The following NXPE2 variants were observed in gnomAD, a reference collection of about 807,000 sequenced individuals.
NXPE2 encodes neurexophilin and PC-esterase domain family member 2.
Under a neutral mutation model 34.4 loss-of-function variants are expected in NXPE2, and 34 were observed. The observed-to-expected ratio is 0.99, with a 90% CI of 0.75 to 1.31. NXPE2 has a LOEUF of 1.31. NXPE2 is among the 40% of genes most tolerant of loss of function. The pLI, the probability that NXPE2 is intolerant of heterozygous loss-of-function variation, is 0.00. For missense variants in NXPE2, 649 were observed against 672.5 expected (o/e 0.97, Z 0.39); for synonymous variants, 235 against 231.3 (o/e 1.02, Z -0.15).
chr11:114,745,683 G>C, the NXPE2 span, among the ~76,000 whole-genome samples: 1 of 152,020 alleles, frequency 6.6e-6, no homozygotes, highest in Non-Finnish European at 1.5e-5. Flanking sequence ...TATGAATTCA[G>C]AATGTCAACT....
the NXPE2 span, among the ~76,000 whole-genome samples, chr11:114,717,452 C>T: frequency 6.6e-6 from 1 of 152,182 alleles, no homozygotes; most frequent in Non-Finnish European, 1.5e-5. Flanking sequence ...CTCCAGCACA[C>T]CATAGCCAGA....
chr11:114,652,733 A>G, the NXPE2 span, among the ~76,000 whole-genome samples: 1 of 146,672 alleles, frequency 6.8e-6, no homozygotes, highest in African/African-American at 2.5e-5. Context: ...GAAGAGTGAT[A>G]GAGCACAGTC....
the NXPE2 span, among the ~76,000 whole-genome samples, chr11:114,747,047 T>C: frequency 6.6e-6 from 1 of 152,198 alleles, no homozygotes; most frequent in South Asian, 2.1e-4. Context: ...TGTCACAAAA[T>C]GTCACTCTTA....
the NXPE2 span, among the ~76,000 whole-genome samples, chr11:114,622,751 G>A: frequency 3.3e-5 from 5 of 150,626 alleles, no homozygotes; most frequent in South Asian, 4.2e-4. Context: ...GTTACCCAGC[G>A]GATAAGTGTT....
At chr11:114,728,111 C>A in the NXPE2 span, among the ~76,000 whole-genome samples, 1 of 152,054 alleles carries the variant, frequency 6.6e-6, no homozygotes, top group African/African-American at 2.4e-5. Flanking sequence ...GTCCTCAAAT[C>A]TCTCTTTGAT....
chr11:114,642,326 A>G, the NXPE2 span, among the ~76,000 whole-genome samples: 4 of 152,050 alleles, frequency 2.6e-5, no homozygotes, highest in Admixed American at 6.6e-5. Context: ...AGTTCTCCAC[A>G]TGTGCAGAAC....
chr11:114,802,604 T>C, the NXPE2 span, among the ~76,000 whole-genome samples: 3 of 152,220 alleles, frequency 2.0e-5, no homozygotes, highest in Non-Finnish European at 4.4e-5. Context: ...ATCATTGAGC[T>C]AGACAGTCTT....
At chr11:114,614,854 T>G in the NXPE2 span, among the ~76,000 whole-genome samples, 1 of 151,880 alleles carries the variant, frequency 6.6e-6, no homozygotes, top group Non-Finnish European at 1.5e-5. Context: ...TGTTGCCTTA[T>G]GGGTTACCAC....
the NXPE2 span, among the ~76,000 whole-genome samples, chr11:114,491,847 A>C: frequency 6.6e-6 from 1 of 152,342 alleles, no homozygotes; most frequent in East Asian, 1.9e-4. Flanking sequence ...TGAAGAGTTC[A>C]TGTCCTTTGT....
the NXPE2 span, among the ~76,000 whole-genome samples, chr11:114,808,634 A>C: frequency 7.0e-6 from 1 of 142,832 alleles, no homozygotes; most frequent in East Asian, 2.1e-4. Flanking sequence ...TCCTCCCAAG[A>C]CTAAACCAGG....
intron 2 of NXPE2, among the ~76,000 whole-genome samples, chr11:114,688,222 G>A (rs1233853808): frequency 6.6e-6 from 1 of 152,040 alleles, no homozygotes; most frequent in Non-Finnish European, 1.5e-5. Flanking sequence ...CTGTGGGTTT[G>A]CCATAGATAG....
chr11:114,721,243 G>GTT, the NXPE2 span, among the ~76,000 whole-genome samples: 107 of 138,864 alleles, frequency 7.7e-4, no homozygotes, highest in African/African-American at 2.3e-3. Context: ...CTTTCTTCAG[G>GTT]TTTTTTTTTT....
At chr11:114,664,791 C>A in the NXPE2 span, among the ~76,000 whole-genome samples, 1 of 152,138 alleles carries the variant, frequency 6.6e-6, no homozygotes, top group African/African-American at 2.4e-5. Flanking sequence ...TCTTGGGAGG[C>A]AGGGCAGCGG....
At chr11:114,574,463 TTAAC>T in the NXPE2 span, among the ~76,000 whole-genome samples, 5 of 152,044 alleles carry the variant, frequency 3.3e-5, no homozygotes, top group South Asian at 2.1e-4. Context: ...ATTAGCAAGA[TTAAC>T]TAAGAAGAGA....
intron 3 of NXPE2, among the ~76,000 whole-genome samples, chr11:114,702,954 G>A (rs1951393811): frequency 6.6e-6 from 1 of 152,066 alleles, no homozygotes; most frequent in South Asian, 2.1e-4. Context: ...GCTCTGAAAG[G>A]GCCTACCTTC....
chr11:114,494,983 GT>G, the NXPE2 span, among the ~76,000 whole-genome samples: 1 of 152,232 alleles, frequency 6.6e-6, no homozygotes, highest in African/African-American at 2.4e-5. Context: ...CACCTTGGTG[GT>G]TTTGGGTGAG....
chr11:114,509,814 CTA>C, the NXPE2 span, among the ~76,000 whole-genome samples: 1 of 151,996 alleles, frequency 6.6e-6, no homozygotes, highest in Non-Finnish European at 1.5e-5. Flanking sequence ...GTAAAAATAA[CTA>C]TTGGGTACTA....
At chr11:114,570,458 G>A in the NXPE2 span, 1 of 153,152 alleles carries the variant, frequency 6.5e-6, no homozygotes, top group South Asian at 2.1e-4. Context: ...AAAATTTAGA[G>A]GTTTTCAGGA....
chr11:114,559,456 A>G, the NXPE2 span, among the ~76,000 whole-genome samples: 3 of 152,120 alleles, frequency 2.0e-5, no homozygotes, highest in East Asian at 1.9e-4. Context: ...CCTCTCTCCA[A>G]CTAGATGTTA....
Sources: allele counts gnomAD v4.1 joint callset (sites outside exome capture counted in the v4.1 genomes callset), GRCh38; gene constraint gnomAD v4.1.1; transcripts MANE v1.5; gene names NCBI Gene and HGNC (gene_info 2026-07-23, HGNC 2026-07-21).